TENM2: variants seen among roughly 807,000 people sequenced by gnomAD.
The protein encoded by TENM2 is teneurin-2.
In TENM2, 52 loss-of-function variants were observed where a neutral mutation model predicts 245.2. The ratio of observed to expected loss-of-function variants is 0.21; its 90% CI spans 0.17 to 0.27. The LOEUF (loss-of-function observed/expected upper bound fraction) is 0.27, where lower values mean the gene tolerates loss of function less well. Ranked by LOEUF, TENM2 falls within the 10% of genes least tolerant of loss-of-function variation. The pLI, the probability that TENM2 is intolerant of heterozygous loss-of-function variation, is 1.00. For missense variants in TENM2, 3,046 were observed against 3,666.8 expected (o/e 0.83, Z 4.37); for synonymous variants, 1,363 against 1,438.9 (o/e 0.95, Z 1.19).
intron 1 of TENM2, among the ~76,000 whole-genome samples, chr5:167,306,787 T>C (rs1755703654): frequency 1.3e-5 from 2 of 152,202 alleles, no homozygotes; most frequent in African/African-American, 4.8e-5. Flanking sequence ...AATACCCTCT[T>C]TCTCTAACAC....
At chr5:167,998,571 G>A (rs1581010257) in intron 5 of TENM2, among the ~76,000 whole-genome samples, 1 of 152,294 alleles carries the variant, frequency 6.6e-6, no homozygotes, top group Admixed American at 6.5e-5. Flanking sequence ...CTGAGCTTCT[G>A]CCAAAGACAC....
chr5:167,670,666 C>T (rs1755877165), intron 2 of TENM2, among the ~76,000 whole-genome samples: 2 of 152,298 alleles, frequency 1.3e-5, no homozygotes, highest in South Asian at 4.1e-4. Context: ...TGCACGTTCA[C>T]AGTGAGCCTG....
At chr5:167,041,802 C>G in the TENM2 span, among the ~76,000 whole-genome samples, 7 of 152,148 alleles carry the variant, frequency 4.6e-5, no homozygotes, top group African/African-American at 1.2e-4. Flanking sequence ...AAACCTCCCC[C>G]CTCCAAAAGG....
intron 3 of TENM2, among the ~76,000 whole-genome samples, chr5:167,918,759 T>C (rs539982595): frequency 1.4e-4 from 21 of 149,758 alleles, no homozygotes; most frequent in African/African-American, 4.9e-4. Flanking sequence ...TCGTTTGGGA[T>C]TGGATATTTT....
chr5:167,549,950 G>C (rs1412324193), intron 2 of TENM2, among the ~76,000 whole-genome samples: 3 of 152,180 alleles, frequency 2.0e-5, no homozygotes, highest in Non-Finnish European at 4.4e-5. Flanking sequence ...TTGGAAGGTT[G>C]TGAAAGGCAT....
chr5:167,951,409 G>A (rs1243346774), intron 3 of TENM2, among the ~76,000 whole-genome samples: 1 of 152,174 alleles, frequency 6.6e-6, no homozygotes, highest in Admixed American at 6.5e-5. Flanking sequence ...TCATGTTTCA[G>A]CATCCATTAA....
At chr5:167,226,738 A>T in the TENM2 span, among the ~76,000 whole-genome samples, 7 of 151,990 alleles carry the variant, frequency 4.6e-5, no homozygotes, top group East Asian at 1.4e-3. Context: ...TTCTCTGTTA[A>T]TTTTCTGTCT....
intron 2 of TENM2, among the ~76,000 whole-genome samples, chr5:167,597,904 T>C (rs184763717): frequency 6.6e-5 from 10 of 152,324 alleles, no homozygotes; most frequent in African/African-American, 9.6e-5. Flanking sequence ...TATTCACCTA[T>C]AGTTCTTTAC....
intron 2 of TENM2, among the ~76,000 whole-genome samples, chr5:167,685,196 A>G (rs1055240415): frequency 6.6e-6 from 1 of 152,226 alleles, no homozygotes; most frequent in Non-Finnish European, 1.5e-5. Context: ...AAGTGACTCA[A>G]ATGTATAGTT....
chr5:168,111,588 C>A (rs1217874894), intron 9 of TENM2, among the ~76,000 whole-genome samples: 1 of 152,100 alleles, frequency 6.6e-6, no homozygotes, highest in Non-Finnish European at 1.5e-5. Context: ...TTGCTCTGCC[C>A]ATTTAATAGG....
intron 2 of TENM2, among the ~76,000 whole-genome samples, chr5:167,578,876 T>C (rs1347862841): frequency 3.9e-5 from 6 of 152,192 alleles, no homozygotes; most frequent in African/African-American, 1.4e-4. Flanking sequence ...GCTGTTTTCT[T>C]TTCAACAGAG....
chr5:167,329,756 TAGAA>T (rs769919032), intron 1 of TENM2, among the ~76,000 whole-genome samples: 110 of 151,928 alleles, frequency 7.2e-4, no homozygotes, highest in African/African-American at 2.1e-3. Context: ...AAAATAGAAA[TAGAA>T]AGAAGAGGAA....
At chr5:167,642,437 T>C (rs1779670969) in intron 2 of TENM2, among the ~76,000 whole-genome samples, 1 of 152,126 alleles carries the variant, frequency 6.6e-6, no homozygotes, top group Admixed American at 6.5e-5. Flanking sequence ...AAGTCTTAAG[T>C]AGCTATCCCA....
intron 9 of TENM2, among the ~76,000 whole-genome samples, chr5:168,108,913 G>T (rs72824999): frequency 1.3e-5 from 2 of 152,006 alleles, no homozygotes; most frequent in South Asian, 4.2e-4. Context: ...GGTCCTCCCC[G>T]TCACCAGGAA....
At chr5:167,648,113 A>G (rs545476128) in intron 2 of TENM2, among the ~76,000 whole-genome samples, 15 of 152,310 alleles carry the variant, frequency 9.8e-5, no homozygotes, top group African/African-American at 3.6e-4. Flanking sequence ...CGAACTAATC[A>G]AGTGCATTTT....
chr5:167,782,342 A>T (rs1164521842), intron 2 of TENM2, among the ~76,000 whole-genome samples: 1 of 147,998 alleles, frequency 6.8e-6, no homozygotes, highest in Non-Finnish European at 1.5e-5. Flanking sequence ...AAAAAAAATT[A>T]AAAAGAAAAT....
chr5:168,138,594 A>C lies in TENM2; in HGVS notation c.2422+11628A>C, dbSNP rs111269520. ...TGTTCCAAGACAAGTTCCTTGGAAC[A>C]GCTGGTTTCTATTCCATTCAGCAGG... is the stretch of plus-strand genomic sequence containing the variant. On this transcript the variant is annotated intron_variant, in intron 12 of 28. Transcript: ENST00000518659. Among the ~76,000 whole-genome samples, 897 of 152,342 alleles carry C rather than the reference A, an allele frequency of 5.9e-3. 8 individuals are homozygous for C. Among genetic ancestry groups the C allele is most frequent in the African/African-American group, 0.02 (845 of 41,588 alleles).
chr5:167,572,675 G>A (rs1383814197), intron 2 of TENM2, among the ~76,000 whole-genome samples: 1 of 152,158 alleles, frequency 6.6e-6, no homozygotes, highest in Admixed American at 6.5e-5. Flanking sequence ...GCCCCCATGT[G>A]GTAGGAGATG....
At chr5:167,844,519 A>T (rs909169066) in intron 2 of TENM2, among the ~76,000 whole-genome samples, 7 of 152,222 alleles carry the variant, frequency 4.6e-5, no homozygotes, top group African/African-American at 1.4e-4. Context: ...AGTTTCCTAC[A>T]CAGCCTTGTT....
Sources: allele counts gnomAD v4.1 joint callset (sites outside exome capture counted in the v4.1 genomes callset), GRCh38; gene constraint gnomAD v4.1.1; transcripts MANE v1.5; gene names NCBI Gene and HGNC (gene_info 2026-07-23, HGNC 2026-07-21).